The following ZFHX3 variants were observed in gnomAD, a reference collection of about 807,000 sequenced individuals.
The protein encoded by ZFHX3 is zinc finger homeobox 3, also known as zinc finger homeobox protein 3.
A neutral mutation model predicts 279.1 loss-of-function variants in ZFHX3; 42 were observed. The observed-to-expected ratio is 0.15, with a 90% CI of 0.12 to 0.19. The LOEUF (loss-of-function observed/expected upper bound fraction) is 0.19. Ranked by LOEUF, ZFHX3 falls within the 10% of genes least tolerant of loss-of-function variation. ZFHX3 has a pLI of 1.00. For missense variants in ZFHX3, 4,981 were observed against 4,754.0 expected, an observed-to-expected ratio of 1.05 and a Z score of -1.40; for synonymous variants, 2,293 against 1,957.8, an observed-to-expected ratio of 1.17 and a Z score of -4.52.
rs1270225778 is a variant in ZFHX3, at chr16:73,563,813, G to GA, written c.-1546-107556dup. ...AGTCCTAGGATTCTTTTTATCAAGA[G>GA]AAAAAAAATTTTAAAGTATAGACAA... On this transcript the variant is annotated intron_variant, in intron 2 of 17. Coordinates refer to the ZFHX3 transcript ENST00000641206. 2.6e-5 allele frequency among the ~76,000 whole-genome samples: 4 copies of GA among 151,950 alleles called. No homozygotes were observed. The South Asian group carries it at 8.3e-4, about 32-fold the overall frequency.
chr16:73,187,973 C>G (rs987530566), intron 5 of ZFHX3, among the ~76,000 whole-genome samples: 4 of 152,100 alleles, frequency 2.6e-5, no homozygotes, highest in Non-Finnish European at 5.9e-5. Context: ...ATTCTCCTGC[C>G]TTAGTTTCCC....
At chr16:73,640,311 A>G (rs541729983) in intron 2 of ZFHX3, among the ~76,000 whole-genome samples, 1 of 152,296 alleles carries the variant, frequency 6.6e-6, no homozygotes, top group East Asian at 1.9e-4. Flanking sequence ...CTCATCCTAC[A>G]GTAGACAAAC....
chr16:73,709,647 G>T (rs1181294608), intron 1 of ZFHX3, among the ~76,000 whole-genome samples: 1 of 151,876 alleles, frequency 6.6e-6, no homozygotes, highest in African/African-American at 2.4e-5. Flanking sequence ...GGGCAATGTG[G>T]GTCAAAGGAT....
chr16:73,478,456 A>G (rs527627729), intron 2 of ZFHX3, among the ~76,000 whole-genome samples: 1 of 152,122 alleles, frequency 6.6e-6, no homozygotes, highest in Non-Finnish European at 1.5e-5. Context: ...TAATAAAGGT[A>G]TAATCTGTGA....
rs189427291 is a variant in ZFHX3 at position 73,129,646 on chromosome 16, G to A, written c.-897+1322C>T. On this transcript the variant is annotated intron_variant, in intron 7 of 17. Coordinates refer to the ZFHX3 transcript ENST00000641206. ...CAGATGTGTGCGTGTGTGCGTGTGC[G>A]TGTGTGCATGTATGTGTGCCCACGC... Among the ~76,000 whole-genome samples, 32 of 144,918 alleles carry A rather than the reference G, an allele frequency of 2.2e-4. No individual in the cohort carries two copies. The East Asian group carries it at 5.1e-3, about 23-fold the overall frequency.
At chr16:72,957,151 G>T (rs546495700) in intron 2 of ZFHX3, among the ~76,000 whole-genome samples, 1 of 152,290 alleles carries the variant, frequency 6.6e-6, no homozygotes, top group Admixed American at 6.5e-5. Flanking sequence ...AAGAGAGAAT[G>T]GGAACAGAAA....
intron 3 of ZFHX3, among the ~76,000 whole-genome samples, chr16:73,424,503 G>A (rs968594705): frequency 9.9e-5 from 15 of 152,014 alleles, no homozygotes; most frequent in Admixed American, 2.6e-4. Context: ...ACAGTACTTC[G>A]GGAGGCCCAG....
At chr16:73,751,875 T>C (rs1448371308) in intron 1 of ZFHX3, among the ~76,000 whole-genome samples, 2 of 152,176 alleles carry the variant, frequency 1.3e-5, no homozygotes, top group African/African-American at 4.8e-5. Flanking sequence ...TTTACAGCAA[T>C]TGGATCTGAG....
chr16:72,947,180 G>A (rs1960725079), intron 3 of ZFHX3, among the ~76,000 whole-genome samples: 1 of 152,220 alleles, frequency 6.6e-6, no homozygotes, highest in Admixed American at 6.5e-5. Flanking sequence ...AGGTAAGGGG[G>A]CTTCCCCCGG....
In ZFHX3 at chr16:72,957,865, C is replaced by A. The variant is rs758717997; in HGVS notation, c.2281G>T (p.Gly761Trp). ...LNNMQNLQNG[G>W]GEQVFSHTAG... is the part of the protein sequence containing the mutation. Reference sequence around the variant, plus strand: ...GTGTGGCTGAAGACCTGCTCCCCCCCTCCATTCTGCAGGTTCTGCATGTTG... The same window carrying A: ...GTGTGGCTGAAGACCTGCTCCCCCCATCCATTCTGCAGGTTCTGCATGTTG... Residue 761 changes from glycine to tryptophan, a missense_variant, in exon 2 of 10, where the codon GGG becomes TGG. Coordinates refer to ENST00000268489, the MANE Select transcript of ZFHX3 (RefSeq NM_006885.4). 6.2e-7 allele frequency: 1 copy of A among 1,614,074 alleles called. No homozygotes were observed. Among genetic ancestry groups the A allele is most frequent in the East Asian group, 2.2e-5 (1 of 44,874 alleles).
intron 2 of ZFHX3, among the ~76,000 whole-genome samples, chr16:73,643,023 GA>G (rs1597043206): frequency 6.6e-6 from 1 of 152,118 alleles, no homozygotes; most frequent in Non-Finnish European, 1.5e-5. Context: ...TAATTTTAAA[GA>G]AAAATCCCCC....
At chr16:73,254,014 A>T (rs1024594106) in intron 5 of ZFHX3, among the ~76,000 whole-genome samples, 2 of 152,162 alleles carry the variant, frequency 1.3e-5, no homozygotes, top group African/African-American at 4.8e-5. Context: ...GGCAGCCTGC[A>T]GTTGTCTTTG....
intron 4 of ZFHX3, among the ~76,000 whole-genome samples, chr16:73,283,967 TA>T (rs1597261360): frequency 6.7e-6 from 1 of 149,472 alleles, no homozygotes; most frequent in Admixed American, 6.7e-5. Context: ...CCTCTTATTT[TA>T]AAAAACAGTT....
chr16:73,833,565 G>A (rs562160940), intron 1 of ZFHX3, among the ~76,000 whole-genome samples: 85 of 151,832 alleles, frequency 5.6e-4, no homozygotes, highest in Middle Eastern at 3.4e-3. Context: ...GAGAACACAC[G>A]GATACAGGGA....
intron 3 of ZFHX3, among the ~76,000 whole-genome samples, chr16:73,376,741 G>A (rs1265612072): frequency 6.6e-6 from 1 of 152,132 alleles, no homozygotes; most frequent in East Asian, 1.9e-4. Context: ...CATCTTCTGT[G>A]TCAATGGACG....
intron 4 of ZFHX3, among the ~76,000 whole-genome samples, chr16:72,872,425 G>A (rs1202296558): frequency 6.6e-6 from 1 of 152,066 alleles, no homozygotes; most frequent in Admixed American, 6.5e-5. Flanking sequence ...ATTTGTTTAG[G>A]AGATTACGAG....
At chr16:73,770,400 A>G (rs569669219) in intron 1 of ZFHX3, among the ~76,000 whole-genome samples, 3 of 152,358 alleles carry the variant, frequency 2.0e-5, no homozygotes, top group Admixed American at 6.5e-5. Context: ...TTGAACTTCT[A>G]AAGTCCAGAA....
chr16:73,831,764 T>C (rs372465783), intron 1 of ZFHX3, among the ~76,000 whole-genome samples: 7 of 152,174 alleles, frequency 4.6e-5, no homozygotes, highest in East Asian at 1.9e-4. Flanking sequence ...TAAGAGGAGA[T>C]AGGATGGGCA....
At chr16:73,225,579 G>A (rs550417829) in intron 5 of ZFHX3, among the ~76,000 whole-genome samples, 1 of 152,138 alleles carries the variant, frequency 6.6e-6, no homozygotes, top group Non-Finnish European at 1.5e-5. Flanking sequence ...GATGGAGCAA[G>A]ACCCTGTCTC....
Sources: gnomAD v4.1 joint callset for allele counts (sites outside exome capture counted in the v4.1 genomes callset) on GRCh38, gnomAD v4.1.1 for gene constraint, MANE v1.5 for transcripts, NCBI Gene and HGNC (gene_info 2026-07-23, HGNC 2026-07-21) for gene names.